PCDHGA2: variants seen among roughly 807,000 people sequenced by gnomAD.
PCDHGA2 encodes the protein protocadherin gamma subfamily A, 2.
PCDHGA2 carries 40 observed loss-of-function variants against 59.2 expected under a neutral mutation model. That is an observed-to-expected ratio of 0.68 (90% CI 0.52 to 0.88). The LOEUF (loss-of-function observed/expected upper bound fraction) is 0.88, where lower values mean the gene tolerates loss of function less well. Ranked by LOEUF, PCDHGA2 falls within the 40% of genes least tolerant of loss-of-function variation. The pLI is 0.00. For synonymous variants in PCDHGA2, 560 were observed against 526.0 expected (o/e 1.06, Z -0.89); for missense variants, 1,226 against 1,204.0 (o/e 1.02, Z -0.27).
chr5:141,383,615 C>G lies in PCDHGA2; in HGVS notation c.2424+42220C>G, dbSNP rs17097251. 9.9e-6 allele frequency: 16 copies of G among 1,613,694 alleles called. No homozygotes were observed. The Admixed American group carries it at 2.3e-4, about 24-fold the overall frequency. On this transcript the variant is annotated intron_variant, in intron 1 of 3. Coordinates refer to ENST00000394576, the MANE Select transcript of PCDHGA2 (RefSeq NM_018915.4). The stretch of plus-strand genomic sequence containing the variant: ...ACAGTGGTGGATGTGAATGACCACA[C>G]GCCTGTCTTCTCTCTGCCTCAGTAC...
chr5:141,360,460 G>A, intron 1 of PCDHGA2: 1 of 1,613,936 alleles, frequency 6.2e-7, no homozygotes, highest in Non-Finnish European at 8.5e-7. Context: ...TTTCGATACT[G>A]TCGCTGAAAA....
chr5:141,372,230 C>T lies in PCDHGA2; in HGVS notation c.2424+30835C>T, dbSNP rs781407090. ...TGTCCTACCACATTGTGCAGGCCAG[C>T]GAGCCCGGGCTGTTCAGCCTGGGCC... On this transcript the variant is annotated intron_variant, in intron 1 of 3. Coordinates refer to ENST00000394576, the MANE Select transcript of PCDHGA2 (RefSeq NM_018915.4). The T allele has an allele frequency of 6.2e-6, 10 of 1,613,346 alleles. No individual in the cohort carries two copies. In the East Asian group the frequency reaches 2.2e-4, roughly 36 times the overall value.
At position 141,395,074 on chromosome 5, in the gene PCDHGA2, C is replaced by T. The variant is rs368699767; in HGVS notation, c.2424+53679C>T. The T allele has an allele frequency of 3.9e-5, 63 of 1,614,048 alleles. No homozygotes were observed. The African/African-American group carries it at 6.0e-4, about 15-fold the overall frequency. Reference sequence around the variant, plus strand: ...GTACAGGCTTTCCTGCAGACCTATTCCCAGGAAGTCTCCCTCACCGCCGAC... The same window carrying T: ...GTACAGGCTTTCCTGCAGACCTATTTCCAGGAAGTCTCCCTCACCGCCGAC... On this transcript the variant is annotated intron_variant, in intron 1 of 3. Transcript: ENST00000394576.
Position 141,339,066 on chromosome 5 carries a change from G to A in PCDHGA2, c.95G>A (p.Arg32His), listed in dbSNP as rs765090248. Reference sequence around the variant, plus strand: ...TGGGAGGCCAGGGCCGGGCAGATTCGCTATTCTGTGCGGGAAGAGATCGAC... The same window carrying A: ...TGGGAGGCCAGGGCCGGGCAGATTCACTATTCTGTGCGGGAAGAGATCGAC... ...TLWEARAGQI[R>H]YSVREEIDRG... The change falls in exon 1 of 4, where the codon CGC becomes CAC. Residue 32 changes from arginine to histidine, a missense_variant. Transcript: ENST00000394576. The A allele has an allele frequency of 5.0e-6, 8 of 1,613,578 alleles. No individual in the cohort carries two copies. Among genetic ancestry groups the A allele is most frequent in the Non-Finnish European group, 6.8e-6 (8 of 1,179,466 alleles).
At chr5:141,376,666 TG>T in intron 1 of PCDHGA2, 2 of 712,058 alleles carry the variant, frequency 2.8e-6, no homozygotes, top group East Asian at 6.0e-5. Context: ...CTTGTTCAGG[TG>T]AGGGTATCGT....
chr5:141,405,010 CT>C (rs2094596164), intron 1 of PCDHGA2: 3 of 1,614,014 alleles, frequency 1.9e-6, no homozygotes, highest in Non-Finnish European at 2.5e-6. Context: ...ACCTGGAGGC[CT>C]CAGACCTTAC....
chr5:141,433,358 C>CGTAT, intron 1 of PCDHGA2: 1 of 503,368 alleles, frequency 2.0e-6, no homozygotes, highest in Non-Finnish European at 3.5e-6. Context: ...CTACTGTCTG[C>CGTAT]CTATCTATCT....
chr5:141,345,426 A>G, intron 1 of PCDHGA2: 1 of 1,614,002 alleles, frequency 6.2e-7, no homozygotes, highest in Non-Finnish European at 8.5e-7. Context: ...TCCAGAAAAC[A>G]ACCCCAGAGG....
intron 1 of PCDHGA2, among the ~76,000 whole-genome samples, chr5:141,481,789 T>TAAAAATAC (rs972511310): frequency 3.3e-5 from 5 of 151,186 alleles, no homozygotes; most frequent in African/African-American, 1.2e-4. Flanking sequence ...CCGTCTCTAC[T>TAAAAATAC]AAAAATACAA....
intron 1 of PCDHGA2, among the ~76,000 whole-genome samples, chr5:141,456,244 T>C (rs1382294283): frequency 6.6e-6 from 1 of 152,144 alleles, no homozygotes; most frequent in East Asian, 1.9e-4. Context: ...GTTAGGAGGC[T>C]TTGGGCGACC....
chr5:141,474,900 T>C (rs577411783), intron 1 of PCDHGA2, among the ~76,000 whole-genome samples: 2 of 152,368 alleles, frequency 1.3e-5, no homozygotes, highest in South Asian at 2.1e-4. Flanking sequence ...TCATTTCTTG[T>C]TCAAGGATAT....
chr5:141,510,813 C>G, intron 3 of PCDHGA2, 134 bp from the exon 4 acceptor site: 2 of 1,537,024 alleles, frequency 1.3e-6, no homozygotes, highest in Non-Finnish European at 1.8e-6. Context: ...CTTGGTGACC[C>G]CTATATTCCC....
chr5:141,370,551 G>A, intron 1 of PCDHGA2: 18 of 1,613,928 alleles, frequency 1.1e-5, no homozygotes, highest in Non-Finnish European at 1.4e-5. Context: ...CCTCGCCAAG[G>A]ACCTGGGGTT....
chr5:141,389,657 G>A lies in PCDHGA2; in HGVS notation c.2424+48262G>A, dbSNP rs372714152. The stretch of plus-strand genomic sequence containing the variant: ...GCTACTTGGTGACCAAGGTAGTGGC[G>A]GTGGACGCAGACTCAGGACACAACG... On this transcript the variant is annotated intron_variant, in intron 1 of 3. Transcript: ENST00000394576. The A allele has an allele frequency of 6.2e-5, 100 of 1,612,554 alleles. 2 individuals are homozygous for A. In the African/African-American group the frequency reaches 1.0e-3, roughly 17 times the overall value.
chr5:141,500,269 C>T (rs977958449), intron 2 of PCDHGA2, among the ~76,000 whole-genome samples: 1 of 151,504 alleles, frequency 6.6e-6, no homozygotes, highest in African/African-American at 2.4e-5. Context: ...ACTGCAGTGG[C>T]GCAATCTCGG....
intron 1 of PCDHGA2, among the ~76,000 whole-genome samples, chr5:141,455,138 T>C (rs1393664563): frequency 6.6e-6 from 1 of 151,028 alleles, no homozygotes; most frequent in Non-Finnish European, 1.5e-5. Context: ...TTACACTGTG[T>C]TAAATAAATA....
intron 2 of PCDHGA2, among the ~76,000 whole-genome samples, chr5:141,496,856 G>A (rs1324235700): frequency 6.7e-6 from 1 of 150,206 alleles, no homozygotes; most frequent in African/African-American, 2.5e-5. Context: ...CAGACCAGCA[G>A]AGGAGACTGA....
intron 1 of PCDHGA2, among the ~76,000 whole-genome samples, chr5:141,347,734 C>A (rs1298834952): frequency 6.6e-6 from 1 of 151,324 alleles, no homozygotes; most frequent in Non-Finnish European, 1.5e-5. Flanking sequence ...TTGCAGAGAG[C>A]CAAAATTGGG....
Position 141,449,530 on chromosome 5 carries a change from A to G in PCDHGA2, c.2425-45277A>G, listed in dbSNP as rs2098641850. On this transcript the variant is annotated intron_variant, in intron 1 of 3. Transcript: ENST00000394576. ...CTTGAACCTGGGAGGCGGAGGTTGC[A>G]GTGAGCCGAGATCGCACCACTGCAC... Among the ~76,000 whole-genome samples, 4 of 149,684 alleles carry G rather than the reference A, an allele frequency of 2.7e-5. No individual in the cohort carries two copies. The South Asian group carries it at 8.5e-4, about 32-fold the overall frequency.
Sources: allele counts gnomAD v4.1 joint callset (sites outside exome capture counted in the v4.1 genomes callset), GRCh38; gene constraint gnomAD v4.1.1; transcripts MANE v1.5; gene names NCBI Gene and HGNC (gene_info 2026-07-23, HGNC 2026-07-21).